C4orf17: variants seen among roughly 807,000 people sequenced by gnomAD.
C4orf17 encodes uncharacterized protein C4orf17.
Under a neutral mutation model 32.0 loss-of-function variants are expected in C4orf17, and 25 were observed. That is an observed-to-expected ratio of 0.78 (90% CI 0.57 to 1.09). The LOEUF (loss-of-function observed/expected upper bound fraction) is 1.09, where lower values mean the gene tolerates loss of function less well. Ranked by LOEUF, C4orf17 falls within the 50% of genes least tolerant of loss-of-function variation. The pLI, the probability that C4orf17 is intolerant of heterozygous loss-of-function variation, is 0.00. For missense variants in C4orf17, 420 were observed against 420.0 expected, an observed-to-expected ratio of 1.00 and a Z score of 0.00; for synonymous variants, 149 against 145.8, an observed-to-expected ratio of 1.02 and a Z score of -0.16.
chr4:99,512,974 A>G lies in C4orf17; in HGVS notation c.-93-15A>G. 2.8e-6 allele frequency: 3 copies of G among 1,087,842 alleles called. No individual in the cohort carries two copies. Among genetic ancestry groups the G allele is most frequent in the Non-Finnish European group, 4.0e-6 (3 of 750,712 alleles). 67.4% of individuals were successfully genotyped at this position (1,087,842 alleles called of 1,614,324 possible). A position where few individuals can be genotyped will look rare whatever the true frequency, so the allele number is the denominator to read the frequency against. On this transcript the variant is annotated splice_polypyrimidine_tract_variant and intron_variant, in intron 1 of 8. Transcript: ENST00000326581. ...AGAAACTCTTGTCAGAATGTTTGTC[A>G]TTTTGTGATTTCAGGGTCTGAGCAC...
chr4:99,524,610 TCTA>T, intron 4 of C4orf17, 25 bp downstream of exon 4: 1 of 855,282 alleles, frequency 1.2e-6, no homozygotes, highest in Non-Finnish European at 1.6e-6. Flanking sequence ...TTTACTGCTA[TCTA>T]TTTAGTTTGA....
At position 99,518,576 on chromosome 4, in the gene C4orf17, G is replaced by C. The variant is rs566462955; in HGVS notation, c.128-3924G>C. Among the ~76,000 whole-genome samples, 260 of 124,682 alleles carry C rather than the reference G, an allele frequency of 2.1e-3. 7 individuals are homozygous for C. Among genetic ancestry groups the C allele is most frequent in the African/African-American group, 8.6e-3 (230 of 26,680 alleles). The allele number at this position is 124,682 out of a possible 152,430, so 81.8% of individuals were successfully genotyped here. A position where few individuals can be genotyped will look rare whatever the true frequency, so the allele number is the denominator to read the frequency against. ...AGAGAGAGAGAGAGAGAGAGAGAGA[G>C]AGAGAGAGGGAGGGAGACAGAGAGA... On this transcript the variant is annotated intron_variant, in intron 2 of 8. Coordinates refer to ENST00000326581, the MANE Select transcript of C4orf17 (RefSeq NM_032149.3).
chr4:99,540,571 G>A, intron 8 of C4orf17, 116 bp downstream of exon 8: 1 of 657,782 alleles, frequency 1.5e-6, no homozygotes, highest in Non-Finnish European at 2.7e-6. Flanking sequence ...AAATACAATA[G>A]TAATTTCCAG....
intron 5 of C4orf17, among the ~76,000 whole-genome samples, chr4:99,535,696 A>G (rs2110173342): frequency 6.6e-6 from 1 of 152,272 alleles, no homozygotes; most frequent in Admixed American, 6.5e-5. Context: ...TTAGCTTAGC[A>G]AAATTTGTTA....
Position 99,514,264 on chromosome 4 carries a change from C to G in C4orf17, c.127+1056C>G, listed in dbSNP as rs537407989. On this transcript the variant is annotated intron_variant, in intron 2 of 8. Transcript: ENST00000326581. ...ACAAAAATAAATAAATAAATGGGAC[C>G]TAATTAAACTAAAAAGCTTCTCCAC... Among the ~76,000 whole-genome samples, 795 of 152,094 alleles carry G rather than the reference C, an allele frequency of 5.2e-3. 8 individuals carry two copies. The highest frequency in any genetic ancestry group is 1.0e-2 in the South Asian group (48 of 4,818).
At chr4:99,537,372 T>C (rs1723579285) in intron 5 of C4orf17, among the ~76,000 whole-genome samples, 1 of 152,154 alleles carries the variant, frequency 6.6e-6, no homozygotes, top group Admixed American at 6.5e-5. Flanking sequence ...GTTGTTGAGG[T>C]CAGGGTCTGC....
chr4:99,537,058 T>A (rs1423553900), intron 5 of C4orf17, among the ~76,000 whole-genome samples: 2 of 151,888 alleles, frequency 1.3e-5, no homozygotes, highest in African/African-American at 4.8e-5. Context: ...TTAACTAACC[T>A]TTGACCCAGA....
intron 4 of C4orf17, among the ~76,000 whole-genome samples, chr4:99,527,620 A>G (rs147721778): frequency 6.6e-6 from 1 of 152,324 alleles, no homozygotes; most frequent in Admixed American, 6.5e-5. Flanking sequence ...TTGCACTCCT[A>G]TGAGAATCTA....
chr4:99,539,349 C>T lies in C4orf17; in HGVS notation c.815C>T (p.Thr272Ile). ...AAATCAAAAGTGCTGACCAGAGATA[C>T]AGAAGGGGATCAACCAACCAGGTAA... ...TAKSKVLTRD[T>I]EGDQPTRVSS... Residue 272 changes from threonine (T) to isoleucine (I), a missense_variant, in exon 7 of 9, where the codon ACA becomes ATA. Physicochemically the swap from Thr to Ile is moderately conservative, Grantham distance 89. Coordinates refer to ENST00000326581, the MANE Select transcript of C4orf17 (RefSeq NM_032149.3). 2 of 1,614,018 alleles carry T rather than the reference C, an allele frequency of 1.2e-6. No homozygotes were observed. Among genetic ancestry groups the T allele is most frequent in the Non-Finnish European group, 1.7e-6 (2 of 1,179,882 alleles).
intron 2 of C4orf17, among the ~76,000 whole-genome samples, chr4:99,514,841 A>C (rs1389794619): frequency 6.6e-6 from 1 of 152,258 alleles, no homozygotes; most frequent in Non-Finnish European, 1.5e-5. Context: ...AATTACAAAG[A>C]TATGGAACCA....
In C4orf17 at chr4:99,513,165, A is replaced by G; in HGVS notation, c.84A>G (p.Leu28=). 6.2e-7 allele frequency: 1 copy of G among 1,613,924 alleles called. No individual in the cohort carries two copies. The highest frequency in any genetic ancestry group is 2.2e-5 in the East Asian group (1 of 44,872). ...HIMARNVSCF[L]VRHTPHPRRV... ...TGGCTAGAAATGTAAGCTGCTTTCT[A>G]GTCAGGCACACCCCTCATCCCAGAA... Residue 28 remains leucine, a synonymous_variant, in exon 2 of 9, where the codon CTA becomes CTG. Transcript: ENST00000326581.
chr4:99,518,594 C>CAG lies in C4orf17; in HGVS notation c.128-3892_128-3891dup, dbSNP rs1164017714. 2.5e-3 allele frequency among the ~76,000 whole-genome samples: 173 copies of CAG among 68,646 alleles called. 2 individuals are homozygous for CAG. Among genetic ancestry groups the CAG allele is most frequent in the Non-Finnish European group, 3.8e-3 (127 of 33,160 alleles). 45.0% of individuals were successfully genotyped at this position (68,646 alleles called of 152,430 possible). A position where few individuals can be genotyped will look rare whatever the true frequency, so the allele number is the denominator to read the frequency against. On this transcript the variant is annotated intron_variant, in intron 2 of 8. Coordinates refer to ENST00000326581, the MANE Select transcript of C4orf17 (RefSeq NM_032149.3). ...AGAGAGAGAGAGAGAGGGAGGGAGA[C>CAG]AGAGAGAGAGAGAGACTGTTTATCC...
chr4:99,529,919 CACCATTTGCATACCAAACT>C lies in C4orf17; in HGVS notation c.509_527del (p.Thr170IlefsTer6). ...GTACCAAGAATGATGTGAAAGCAAACACCATTTGCATACCAAACTATCTGGATCAGGAAATAAAAGTAAG... is the reference window on the plus strand; with the variant it reads ...GTACCAAGAATGATGTGAAAGCAAACATCTGGATCAGGAAATAAAAGTAAG... On this transcript the variant is annotated frameshift_variant, in exon 5 of 9. Transcript: ENST00000326581. LOFTEE classifies it high-confidence loss of function. The C allele has an allele frequency of 6.2e-7, 1 of 1,612,584 alleles. No homozygotes were observed. The highest frequency in any genetic ancestry group is 2.2e-5 in the East Asian group (1 of 44,794).
intron 2 of C4orf17, among the ~76,000 whole-genome samples, 154 bp from the exon 3 acceptor site, chr4:99,522,346 A>AT: frequency 1.0e-5 from 1 of 97,476 alleles, no homozygotes; most frequent in Non-Finnish European, 1.8e-5. Flanking sequence ...TTCATAATAC[A>AT]ATTTTTTTTT....
chr4:99,514,415 A>C (rs1020654689), intron 2 of C4orf17, among the ~76,000 whole-genome samples: 2 of 152,180 alleles, frequency 1.3e-5, no homozygotes, highest in Non-Finnish European at 2.9e-5. Flanking sequence ...CAAGAAAAAA[A>C]CAAATAATCC....
At chr4:99,516,299 T>A (rs2110165324) in intron 2 of C4orf17, among the ~76,000 whole-genome samples, 1 of 152,276 alleles carries the variant, frequency 6.6e-6, no homozygotes, top group South Asian at 2.1e-4. Context: ...GCATGTGTAG[T>A]AACATCAGGC....
chr4:99,523,072 T>C (rs1275442881), intron 3 of C4orf17, among the ~76,000 whole-genome samples: 4 of 152,236 alleles, frequency 2.6e-5, no homozygotes, highest in African/African-American at 7.2e-5. Flanking sequence ...TGAAATTGCA[T>C]GTTTACATTG....
intron 4 of C4orf17, among the ~76,000 whole-genome samples, chr4:99,526,228 T>G (rs1723385753): frequency 6.6e-6 from 1 of 152,250 alleles, no homozygotes; most frequent in African/African-American, 2.4e-5. Context: ...TGCCAAATGC[T>G]GTTTCAGTAT....
At chr4:99,518,398 T>C (rs1723221653) in intron 2 of C4orf17, among the ~76,000 whole-genome samples, 2 of 144,006 alleles carry the variant, frequency 1.4e-5, no homozygotes, top group African/African-American at 5.2e-5. Flanking sequence ...GATAGGAGGA[T>C]CACCTGAGCC....
Sources: gnomAD v4.1 joint callset for allele counts (sites outside exome capture counted in the v4.1 genomes callset) on GRCh38, gnomAD v4.1.1 for gene constraint, MANE v1.5 for transcripts, NCBI Gene and HGNC (gene_info 2026-07-23, HGNC 2026-07-21) for gene names.